Variants in VPS45 observed in about 807,000 individuals in gnomAD.
The protein encoded by VPS45 is vacuolar protein sorting-associated protein 45.
VPS45 carries 35 observed loss-of-function variants against 75.9 expected under a neutral mutation model. That is an observed-to-expected ratio of 0.46 (90% confidence interval 0.35 to 0.61). VPS45 has a LOEUF of 0.61. Ranked by LOEUF, VPS45 falls within the 20% of genes least tolerant of loss-of-function variation. VPS45 has a pLI of 0.00. For synonymous variants in VPS45, 220 were observed against 238.2 expected (o/e 0.92, Z 0.70); for missense variants, 559 against 685.9 (o/e 0.81, Z 2.07).
At chr1:150,099,426 T>C (rs1417823661) in intron 13 of VPS45, among the ~76,000 whole-genome samples, 1 of 151,482 alleles carries the variant, frequency 6.6e-6, no homozygotes, top group Non-Finnish European at 1.5e-5. Context: ...GGTAGGAGAA[T>C]TGGCTGAACC....
At chr1:150,106,137 C>G (rs184749589) in intron 13 of VPS45, among the ~76,000 whole-genome samples, 351 of 152,214 alleles carry the variant, frequency 2.3e-3, no homozygotes, top group African/African-American at 7.9e-3. Flanking sequence ...GATGTGGGAC[C>G]TGAAACTGTG....
chr1:150,080,003 A>C lies in VPS45; in HGVS notation c.688-1339A>C, dbSNP rs920329509. Among the ~76,000 whole-genome samples, 15 of 152,332 alleles carry C rather than the reference A, an allele frequency of 9.8e-5. No homozygotes were observed. The East Asian group carries it at 2.7e-3, about 27-fold the overall frequency. ...TGCCACGTACTAAACTAAGTACTAG[A>C]GATAAAAGGTTAAAAGTTACAATTT... On this transcript the variant is annotated intron_variant, in intron 7 of 14. Coordinates refer to ENST00000644510, the MANE Select transcript of VPS45 (RefSeq NM_007259.5).
At chr1:150,073,402 A>G (rs1655187715) in intron 3 of VPS45, among the ~76,000 whole-genome samples, 1 of 152,208 alleles carries the variant, frequency 6.6e-6, no homozygotes. Context: ...GACTATATAT[A>G]TATAAGAGCT....
intron 13 of VPS45, among the ~76,000 whole-genome samples, chr1:150,103,649 T>G (rs1171438932): frequency 6.6e-6 from 1 of 152,214 alleles, no homozygotes; most frequent in Admixed American, 6.5e-5. Context: ...AGTGTTCTCT[T>G]ACTATGCTAA....
At chr1:150,076,063 A>AATATATATATATATATATATATATAT (rs71825614) in intron 3 of VPS45, among the ~76,000 whole-genome samples, 170 bp from the exon 4 acceptor site, 1 of 140,014 alleles carries the variant, frequency 7.1e-6, no homozygotes, top group African/African-American at 2.8e-5. Context: ...GTCCTTTTAA[A>AATATATATATATATATATATATATAT]ATATATATAT....
intron 3 of VPS45, among the ~76,000 whole-genome samples, chr1:150,073,643 TA>T (rs781795004): frequency 4.0e-5 from 6 of 148,374 alleles, no homozygotes; most frequent in African/African-American, 2.5e-5. Flanking sequence ...CATGTGCAGT[TA>T]AAAAAAAAAC....
At chr1:150,111,011 T>G (rs1314455916) in intron 14 of VPS45, among the ~76,000 whole-genome samples, 1 of 152,234 alleles carries the variant, frequency 6.6e-6, no homozygotes, top group African/African-American at 2.4e-5. Context: ...TTGAAAATAC[T>G]TAAACATAAT....
intron 13 of VPS45, among the ~76,000 whole-genome samples, chr1:150,106,886 A>G (rs1199775819): frequency 6.6e-6 from 1 of 152,214 alleles, no homozygotes; most frequent in East Asian, 1.9e-4. Flanking sequence ...ACTACAACAC[A>G]CTAAAACATT....
At chr1:150,110,377 G>C in intron 13 of VPS45, 119 bp from the exon 14 acceptor site, 1 of 992,950 alleles carries the variant, frequency 1.0e-6, no homozygotes. Flanking sequence ...ATTCTATTCT[G>C]CTTTAATTCT....
intron 14 of VPS45, among the ~76,000 whole-genome samples, chr1:150,112,393 G>C (rs1657693389): frequency 6.6e-6 from 1 of 152,140 alleles, no homozygotes; most frequent in African/African-American, 2.4e-5. Flanking sequence ...TAAATACTAA[G>C]ATGCATTTTA....
chr1:150,127,242 G>A (rs1302861742), intron 14 of VPS45, among the ~76,000 whole-genome samples: 1 of 151,902 alleles, frequency 6.6e-6, no homozygotes, highest in Non-Finnish European at 1.5e-5. Context: ...CTTTTTTAAT[G>A]TGGCCACGAG....
At chr1:150,119,303 C>G (rs587685486) in intron 14 of VPS45, among the ~76,000 whole-genome samples, 8 of 152,066 alleles carry the variant, frequency 5.3e-5, no homozygotes, top group African/African-American at 1.9e-4. Flanking sequence ...AGTTTTATAC[C>G]TGGATATAGT....
intron 13 of VPS45, among the ~76,000 whole-genome samples, chr1:150,106,187 A>C (rs1657314909): frequency 6.6e-6 from 1 of 152,212 alleles, no homozygotes; most frequent in Non-Finnish European, 1.5e-5. Context: ...TCTTCTGGAC[A>C]TTGGCCTAGG....
chr1:150,112,343 G>T (rs1325227746), intron 14 of VPS45, among the ~76,000 whole-genome samples: 1 of 151,772 alleles, frequency 6.6e-6, no homozygotes, highest in African/African-American at 2.4e-5. Context: ...TTCTGCCTTT[G>T]GTGTCATGCC....
chr1:150,130,902 T>C (rs1658799636), intron 14 of VPS45, among the ~76,000 whole-genome samples: 1 of 152,190 alleles, frequency 6.6e-6, no homozygotes, highest in Admixed American at 6.6e-5. Flanking sequence ...ATCCAAGAAG[T>C]GAGATCATTA....
chr1:150,102,094 C>T (rs894850948), intron 13 of VPS45, among the ~76,000 whole-genome samples: 24 of 151,050 alleles, frequency 1.6e-4, no homozygotes, highest in Non-Finnish European at 2.8e-4. Flanking sequence ...AAAAATTAGC[C>T]AGGCATGGTG....
chr1:150,077,852 A>G (rs1655483549), intron 7 of VPS45, 73 bp downstream of exon 7: 1 of 1,229,642 alleles, frequency 8.1e-7, no homozygotes, highest in Non-Finnish European at 1.2e-6. Flanking sequence ...ATAGGGAAGT[A>G]AAAACATGGT....
At chr1:150,115,410 TATCCTC>T (rs1657877885) in intron 14 of VPS45, among the ~76,000 whole-genome samples, 1 of 152,224 alleles carries the variant, frequency 6.6e-6, no homozygotes, top group Non-Finnish European at 1.5e-5. Flanking sequence ...TTTTTGTTAG[TATCCTC>T]TTTTTTTCTC....
intron 2 of VPS45, 108 bp downstream of exon 2, chr1:150,068,872 T>C: frequency 8.2e-7 from 1 of 1,223,486 alleles, no homozygotes; most frequent in East Asian, 2.6e-5. Context: ...TGTGGCATCA[T>C]AATTATCCTG....
Sources: allele counts gnomAD v4.1 joint callset (sites outside exome capture counted in the v4.1 genomes callset), GRCh38; gene constraint gnomAD v4.1.1; transcripts MANE v1.5; gene names NCBI Gene and HGNC (gene_info 2026-07-23, HGNC 2026-07-21).